GUCA1C: variants seen among roughly 807,000 people sequenced by gnomAD.
GUCA1C encodes the protein guanylate cyclase activator 1C.
A neutral mutation model predicts 16.2 loss-of-function variants in GUCA1C; 15 were observed. That is an observed-to-expected ratio of 0.93 (90% CI 0.62 to 1.43). The LOEUF (loss-of-function observed/expected upper bound fraction) is 1.43. Among genes scored for constraint, GUCA1C ranks in the 40% most tolerant of loss-of-function variants. The probability of loss-of-function intolerance (pLI) is 0.00; values close to 1 mark genes in which losing one functional copy is unlikely to be tolerated. For missense variants in GUCA1C, 275 were observed against 244.8 expected (o/e 1.12, Z -0.82); for synonymous variants, 78 against 85.4 (o/e 0.91, Z 0.48).
chr3:108,921,217 G>T lies in GUCA1C; in HGVS notation c.205-632C>A, dbSNP rs376762743. ...TATAGTATGTAGCTTTTTCAGGTTG[G>T]CGTCTTTCACTTAGTAATATGCATT... On this transcript the variant is annotated intron_variant, in intron 1 of 3. Coordinates refer to ENST00000261047, the MANE Select transcript of GUCA1C (RefSeq NM_005459.4). Among the ~76,000 whole-genome samples the T allele has an allele frequency of 5.9e-5, 9 of 152,114 alleles. No individual in the cohort carries two copies. In the East Asian group the frequency reaches 1.2e-3, roughly 20 times the overall value.
chr3:108,916,418 A>T (rs1244596291), intron 2 of GUCA1C, among the ~76,000 whole-genome samples: 1 of 152,190 alleles, frequency 6.6e-6, no homozygotes, highest in South Asian at 2.1e-4. Context: ...CTGAATAAAG[A>T]CTGAAGCCCT....
chr3:108,920,523 C>G lies in GUCA1C; in HGVS notation c.267G>C (p.Met89Ile). Residue 89 changes from methionine to isoleucine, a missense_variant, in exon 2 of 4, where the codon ATG becomes ATC. Met to Ile is a conservative substitution (Grantham distance 10). Transcript: ENST00000261047. ...TAAAATACCATTTTAATTTTTGCTC[C>G]ATTTTTTCTTGCATGATTAGATTTA... is the stretch of plus-strand genomic sequence containing the variant. Reference protein sequence around the residue: ...AAVNLIMQEKMEQKLKWYFKL... With the variant: ...AAVNLIMQEKIEQKLKWYFKL... 1 of 1,591,560 alleles carries G rather than the reference C, an allele frequency of 6.3e-7. No individual in the cohort carries two copies. The highest frequency in any genetic ancestry group is 8.6e-7 in the Non-Finnish European group (1 of 1,159,904).
intron 1 of GUCA1C, among the ~76,000 whole-genome samples, chr3:108,924,772 G>C (rs1183216989): frequency 6.6e-6 from 1 of 151,814 alleles, no homozygotes; most frequent in African/African-American, 2.4e-5. Context: ...GGACTTTTTT[G>C]TTGGCAATTT....
chr3:108,918,606 C>G (rs1428627998), intron 2 of GUCA1C, among the ~76,000 whole-genome samples: 1 of 152,154 alleles, frequency 6.6e-6, no homozygotes, highest in East Asian at 1.9e-4. Flanking sequence ...CCTTAAAAAC[C>G]TTTCTCTTGA....
chr3:108,929,225 T>C (rs1320271641), intron 1 of GUCA1C, among the ~76,000 whole-genome samples: 1 of 152,222 alleles, frequency 6.6e-6, no homozygotes, highest in Non-Finnish European at 1.5e-5. Context: ...ACTCCACTTA[T>C]TTATTGCTGG....
At chr3:108,954,725 T>C (rs1385057264), upstream of GUCA1C, among the ~76,000 whole-genome samples, 3 of 150,374 alleles carry the variant, frequency 2.0e-5, no homozygotes, top group East Asian at 5.8e-4. Flanking sequence ...ACCCCTAAAT[T>C]ATAGTTCTCC....
chr3:108,939,324 C>CTTTTTTTTTTTGTTTTTTTTTTTTTT (rs1946761510), intron 1 of GUCA1C, among the ~76,000 whole-genome samples: 1 of 32,910 alleles, frequency 3.0e-5, no homozygotes, highest in African/African-American at 1.1e-4. Context: ...TGCTTCAAGG[C>CTTTTTTTTTTTGTTTTTTTTTTTTTT]TTTTTTTTTT....
intron 1 of GUCA1C, among the ~76,000 whole-genome samples, chr3:108,952,181 T>C (rs2715765): frequency 0.35 from 52,617 of 151,966 alleles, 9,535 homozygotes; most frequent in Middle Eastern, 0.5. Context: ...GCACAGAGAA[T>C]GACAGAGAGA....
intron 3 of GUCA1C, among the ~76,000 whole-genome samples, chr3:108,911,358 C>T (rs899602158): frequency 2.6e-5 from 4 of 152,104 alleles, no homozygotes; most frequent in African/African-American, 9.7e-5. Context: ...CTAAAGAAGT[C>T]ATCCTGGTTT....
At chr3:108,929,916 T>C in intron 1 of GUCA1C, among the ~76,000 whole-genome samples, 1 of 152,226 alleles carries the variant, frequency 6.6e-6, no homozygotes, top group Middle Eastern at 3.2e-3. Context: ...AATGAGGCTC[T>C]TTTCTATAAA....
At chr3:108,952,572 T>C (rs2593929) in intron 1 of GUCA1C, among the ~76,000 whole-genome samples, 18,534 of 152,206 alleles carry the variant, frequency 0.12, 1,209 homozygotes, top group Non-Finnish European at 0.15. Flanking sequence ...TTACCTCCTT[T>C]TAAGTCACCT....
At chr3:108,935,003 C>T (rs1013399943) in intron 1 of GUCA1C, among the ~76,000 whole-genome samples, 1 of 151,560 alleles carries the variant, frequency 6.6e-6, no homozygotes, top group Non-Finnish European at 1.5e-5. Flanking sequence ...TTAGTAGAGA[C>T]GGGGTTTCAC....
intron 3 of GUCA1C, among the ~76,000 whole-genome samples, chr3:108,909,910 C>T (rs1946431901): frequency 6.6e-6 from 1 of 152,100 alleles, no homozygotes; most frequent in Non-Finnish European, 1.5e-5. Context: ...AGTTTCCCTC[C>T]AGCACTCAAC....
At chr3:108,951,079 T>C (rs1052357234) in intron 1 of GUCA1C, among the ~76,000 whole-genome samples, 5 of 152,012 alleles carry the variant, frequency 3.3e-5, no homozygotes, top group Admixed American at 6.6e-5. Context: ...CATGATCTCA[T>C]TTACATGTGG....
chr3:108,923,887 C>G (rs1946594203), intron 1 of GUCA1C, among the ~76,000 whole-genome samples: 2 of 152,046 alleles, frequency 1.3e-5, no homozygotes, highest in African/African-American at 4.8e-5. Context: ...AGGTATATTC[C>G]TAAGTATTTA....
chr3:108,943,216 T>C (rs540965321), intron 1 of GUCA1C, among the ~76,000 whole-genome samples: 9 of 151,462 alleles, frequency 5.9e-5, no homozygotes, highest in Non-Finnish European at 8.8e-5. Flanking sequence ...GAAGAGAGAG[T>C]TGCCAGGTAT....
intron 1 of GUCA1C, among the ~76,000 whole-genome samples, chr3:108,929,888 T>C (rs1426711943): frequency 1.3e-5 from 2 of 152,222 alleles, no homozygotes; most frequent in African/African-American, 2.4e-5. Flanking sequence ...TGCACAGTTT[T>C]AGGTATGAAT....
intron 2 of GUCA1C, among the ~76,000 whole-genome samples, chr3:108,917,574 G>C (rs1022402986): frequency 1.3e-5 from 2 of 151,976 alleles, no homozygotes; most frequent in Non-Finnish European, 2.9e-5. Flanking sequence ...TCCCTATGTG[G>C]GAGCAGGAGG....
chr3:108,955,097 T>C (rs766210797), upstream of GUCA1C, among the ~76,000 whole-genome samples: 1 of 152,142 alleles, frequency 6.6e-6, no homozygotes, highest in Non-Finnish European at 1.5e-5. Context: ...AGCTCATATA[T>C]CTGGTCTCTG....
Sources: gnomAD v4.1 joint callset for allele counts (sites outside exome capture counted in the v4.1 genomes callset) on GRCh38, gnomAD v4.1.1 for gene constraint, MANE v1.5 for transcripts, NCBI Gene and HGNC (gene_info 2026-07-23, HGNC 2026-07-21) for gene names.